Variants in LHX4 observed in about 807,000 individuals in gnomAD.
LHX4 encodes the protein LIM/homeobox protein Lhx4.
Under a neutral mutation model 39.2 loss-of-function variants are expected in LHX4, and 16 were observed. The ratio of observed to expected loss-of-function variants is 0.41; its 90% CI spans 0.28 to 0.62. The LOEUF (loss-of-function observed/expected upper bound fraction) is 0.62, where lower values mean the gene tolerates loss of function less well. LHX4 is among the 20% of genes least tolerant of loss of function. LHX4 has a pLI of 0.33. For missense variants in LHX4, 439 were observed against 511.9 expected (o/e 0.86, Z 1.37); for synonymous variants, 206 against 198.1 (o/e 1.04, Z -0.33).
intron 2 of LHX4, among the ~76,000 whole-genome samples, chr1:180,257,565 A>G (rs2149259996): frequency 6.6e-6 from 1 of 152,314 alleles, no homozygotes; most frequent in African/African-American, 2.4e-5. Flanking sequence ...GTGGCCTTAG[A>G]GTGGGCGGTG....
upstream of LHX4, chr1:180,230,193 G>T (rs1201491563): frequency 2.5e-6 from 1 of 404,192 alleles, no homozygotes; most frequent in South Asian, 2.4e-5. The surrounding 1 kb of genome is among the most constrained non-coding windows in gnomAD (Gnocchi z 5.8). Context: ...GCGGCCTCCC[G>T]GGCGGCCGGC....
chr1:180,253,811 G>A (rs899282412), intron 2 of LHX4, among the ~76,000 whole-genome samples: 5 of 152,202 alleles, frequency 3.3e-5, no homozygotes, highest in African/African-American at 1.2e-4. Context: ...CCCTCAGGGC[G>A]GGGCCTGCGC....
intron 1 of LHX4, among the ~76,000 whole-genome samples, chr1:180,239,929 T>G (rs1010457293): frequency 6.6e-6 from 1 of 152,208 alleles, no homozygotes; most frequent in Non-Finnish European, 1.5e-5. Flanking sequence ...GGGGGAATAC[T>G]GTGGGGTCTG....
At chr1:180,249,883 G>A (rs1239625291) in intron 2 of LHX4, among the ~76,000 whole-genome samples, 2 of 151,108 alleles carry the variant, frequency 1.3e-5, no homozygotes, top group African/African-American at 2.5e-5. Flanking sequence ...GTGTGCGTGT[G>A]TGAGTGTGTG....
chr1:180,270,834 C>T (rs940490862), intron 3 of LHX4: 12 of 187,192 alleles, frequency 6.4e-5, no homozygotes, highest in African/African-American at 2.3e-4. Flanking sequence ...TGGGTTCTGA[C>T]CTATAGTTTA....
chr1:180,231,979 T>C (rs569480495), intron 1 of LHX4, among the ~76,000 whole-genome samples: 1 of 152,228 alleles, frequency 6.6e-6, no homozygotes, highest in Non-Finnish European at 1.5e-5. Context: ...AGTGTTTTCG[T>C]GTCAACTGCC....
chr1:180,252,145 G>A (rs1647652549), intron 2 of LHX4, among the ~76,000 whole-genome samples: 1 of 152,144 alleles, frequency 6.6e-6, no homozygotes, highest in African/African-American at 2.4e-5. Context: ...GGGGCTCTGG[G>A]GCAGCCTGCT....
chr1:180,245,219 C>T (rs895374061), intron 1 of LHX4, among the ~76,000 whole-genome samples: 4 of 152,216 alleles, frequency 2.6e-5, no homozygotes, highest in Non-Finnish European at 5.9e-5. Context: ...GAGAAACCCG[C>T]TCCCCCTTGC....
At chr1:180,233,394 A>G (rs1434674600) in intron 1 of LHX4, among the ~76,000 whole-genome samples, 3 of 151,702 alleles carry the variant, frequency 2.0e-5, no homozygotes, top group Non-Finnish European at 4.4e-5. Context: ...AGCTGTCCCT[A>G]CGGCCCGCAC....
intron 3 of LHX4, chr1:180,270,585 C>CT (rs1467790487): frequency 1.4e-4 from 21 of 152,432 alleles, no homozygotes; most frequent in African/African-American, 5.1e-4. Flanking sequence ...CACTCAAAAT[C>CT]TGTCTAGGAC....
At chr1:180,238,393 A>G (rs751318536) in intron 1 of LHX4, among the ~76,000 whole-genome samples, 1 of 152,202 alleles carries the variant, frequency 6.6e-6, no homozygotes, top group Non-Finnish European at 1.5e-5. Context: ...GTTGCTAGTC[A>G]TTTGTCAAGA....
intron 1 of LHX4, among the ~76,000 whole-genome samples, chr1:180,231,670 T>C (rs938311448): frequency 6.6e-6 from 1 of 151,342 alleles, no homozygotes; most frequent in African/African-American, 2.4e-5. Flanking sequence ...CTCGCTCCGC[T>C]TGCCAAGGGG....
chr1:180,277,879 G>GGT lies in LHX4; in HGVS notation c.*3301_*3302insTG, dbSNP rs1553285497. The GGT allele has an allele frequency of 6.7e-6, 1 of 149,972 alleles. No individual in the cohort carries two copies. The highest frequency in any genetic ancestry group is 1.5e-5 in the Non-Finnish European group (1 of 67,380). 9.3% of individuals were successfully genotyped at this position (149,972 alleles called of 1,614,324 possible). The stretch of plus-strand genomic sequence containing the variant: ...TGGCAGTGTCCTTAAACTTTTTTTG[G>GGT]GGGGGGGCAGTGTAAAACATGAAAC... On this transcript the variant is annotated 3_prime_UTR_variant, in exon 6 of 6. Transcript: ENST00000263726.
chr1:180,261,862 G>A (rs911821638), intron 2 of LHX4, among the ~76,000 whole-genome samples: 2 of 152,136 alleles, frequency 1.3e-5, no homozygotes, highest in Non-Finnish European at 2.9e-5. Flanking sequence ...TTGAGCTTTT[G>A]GGGGTTATCC....
intron 3 of LHX4, chr1:180,270,377 C>G (rs1648572014): frequency 6.6e-6 from 1 of 152,246 alleles, no homozygotes; most frequent in Non-Finnish European, 1.5e-5. Context: ...GAGAGCAGAG[C>G]TGCCCAGGCC....
At chr1:180,263,632 G>A (rs1381795647) in intron 2 of LHX4, among the ~76,000 whole-genome samples, 1 of 152,206 alleles carries the variant, frequency 6.6e-6, no homozygotes, top group East Asian at 1.9e-4. Context: ...AAACGCTGGT[G>A]GGGAAGTCCA....
At chr1:180,230,248 G>GT (rs1218767452), upstream of LHX4, 1,283 of 438,308 alleles carry the variant, frequency 2.9e-3, 14 homozygotes, top group South Asian at 0.017. This position sits in a 1 kb window ranked among gnomAD's most constrained non-coding sequence, Gnocchi z 5.8. Context: ...GCGGGGGAGG[G>GT]AAGAGGAAAA....
chr1:180,265,700 A>T (rs1648283549), intron 2 of LHX4, among the ~76,000 whole-genome samples: 2 of 152,276 alleles, frequency 1.3e-5, no homozygotes, highest in Non-Finnish European at 2.9e-5. Context: ...GTAGGGGCTG[A>T]AAAGTGCAGC....
chr1:180,274,112 C>T (rs1438485161), intron 5 of LHX4, 73 bp from the exon 6 acceptor site: 2 of 1,580,554 alleles, frequency 1.3e-6, no homozygotes, highest in Non-Finnish European at 1.7e-6. Flanking sequence ...CATGTGTGTT[C>T]CTAGGTTGTG....
Sources: allele counts gnomAD v4.1 joint callset (sites outside exome capture counted in the v4.1 genomes callset), GRCh38; gene constraint gnomAD v4.1.1; non-coding constraint Gnocchi (gnomAD v3.1); transcripts MANE v1.5; gene names NCBI Gene and HGNC (gene_info 2026-07-23, HGNC 2026-07-21).